SNTG2: variants seen among roughly 807,000 people sequenced by gnomAD.
The protein encoded by SNTG2 is syntrophin gamma 2.
SNTG2 carries 74 observed loss-of-function variants against 70.9 expected under a neutral mutation model. The observed-to-expected ratio is 1.04, with a 90% confidence interval of 0.86 to 1.27. The LOEUF is 1.27. Among genes scored for constraint, SNTG2 ranks in the 50% most tolerant of loss-of-function variants. The pLI is 0.00. For synonymous variants in SNTG2, 278 were observed against 273.8 expected, an observed-to-expected ratio of 1.02 and a Z score of -0.15; for missense variants, 717 against 690.7, an observed-to-expected ratio of 1.04 and a Z score of -0.43.
intron 1 of SNTG2, among the ~76,000 whole-genome samples, chr2:1,040,853 G>T (rs1661396705): frequency 6.6e-6 from 1 of 152,118 alleles, no homozygotes; most frequent in South Asian, 2.1e-4. Flanking sequence ...TCAAAAATAT[G>T]CCTGTGTGAT....
intron 15 of SNTG2, among the ~76,000 whole-genome samples, chr2:1,313,990 A>G (rs1206405327): frequency 6.6e-6 from 1 of 152,224 alleles, no homozygotes. Context: ...ATATACCTAA[A>G]TCACTTCACT....
In SNTG2 at chr2:1,350,408, G is replaced by A. The variant is rs150221076; in HGVS notation, c.1489-16935G>A. ...TGCAACACAGCTTGCCCCGATACAC[G>A]TGCAAATGTGTTCTCTGCCTCTTAG... On this transcript the variant is annotated intron_variant, in intron 16 of 16. Coordinates refer to ENST00000308624, the MANE Select transcript of SNTG2 (RefSeq NM_018968.4). 1.6e-4 allele frequency among the ~76,000 whole-genome samples: 24 copies of A among 152,322 alleles called. 2 individuals are homozygous for A. Among genetic ancestry groups the A allele is most frequent in the Admixed American group, 3.9e-4 (6 of 15,304 alleles).
At chr2:1,218,892 T>C (rs1463557581) in intron 9 of SNTG2, among the ~76,000 whole-genome samples, 2 of 152,160 alleles carry the variant, frequency 1.3e-5, no homozygotes, top group African/African-American at 2.4e-5. Flanking sequence ...TCTAAGATAG[T>C]TTATGAAGGT....
At chr2:1,320,506 G>T (rs1425688412) in intron 16 of SNTG2, among the ~76,000 whole-genome samples, 4 of 133,770 alleles carry the variant, frequency 3.0e-5, no homozygotes, top group African/African-American at 1.2e-4. Flanking sequence ...CTGTACTCCA[G>T]CCTGAGTGAC....
intron 16 of SNTG2, chr2:1,340,900 G>A (rs1167262955): frequency 6.6e-6 from 1 of 152,078 alleles, no homozygotes; most frequent in East Asian, 1.9e-4. Context: ...CAAGACACCT[G>A]GCTCAAAGAA....
chr2:1,164,512 G>A (rs1469364439), intron 6 of SNTG2, among the ~76,000 whole-genome samples: 21 of 114,342 alleles, frequency 1.8e-4, no homozygotes, highest in African/African-American at 6.6e-4. Context: ...ATGAAGTGAG[G>A]TAGGAACCTG....
At chr2:1,262,778 G>GCAGACGAGGCAACCCGAAGGCTCCTTC (rs767622889) in intron 13 of SNTG2, 2 of 142,426 alleles carry the variant, frequency 1.4e-5, no homozygotes, top group African/African-American at 2.7e-5. Flanking sequence ...AAGGCTCCGT[G>GCAGACGAGGCAACCCGAAGGCTCCTTC]CAGACGAGGT....
At chr2:1,052,098 ATTATAACC>A (rs1662110818) in intron 1 of SNTG2, among the ~76,000 whole-genome samples, 1 of 151,976 alleles carries the variant, frequency 6.6e-6, no homozygotes, top group African/African-American at 2.4e-5. Context: ...ATTTTACTTT[ATTATAACC>A]TTCTTGTTAG....
chr2:1,070,690 G>T (rs1251143051), intron 1 of SNTG2, among the ~76,000 whole-genome samples: 1 of 152,110 alleles, frequency 6.6e-6, no homozygotes, highest in Non-Finnish European at 1.5e-5. Flanking sequence ...CACAATAGCC[G>T]CACGTTGAGA....
At chr2:1,235,702 T>C (rs60350535) in intron 9 of SNTG2, among the ~76,000 whole-genome samples, 47,935 of 151,838 alleles carry the variant, frequency 0.32, 8,999 homozygotes, top group African/African-American at 0.53. Context: ...CTAGTCTAGC[T>C]GGATCCAGGA....
At chr2:1,157,011 A>G (rs945655815) in intron 6 of SNTG2, among the ~76,000 whole-genome samples, 1 of 152,144 alleles carries the variant, frequency 6.6e-6, no homozygotes, top group Non-Finnish European at 1.5e-5. Flanking sequence ...GAATGCAGAC[A>G]GGAAAAGTCA....
chr2:1,027,260 G>A (rs11691668), intron 1 of SNTG2, among the ~76,000 whole-genome samples: 35,403 of 151,758 alleles, frequency 0.23, 4,560 homozygotes, highest in Middle Eastern at 0.32. Flanking sequence ...GTTGAGTAAA[G>A]AGATAAGCAG....
intron 1 of SNTG2, among the ~76,000 whole-genome samples, chr2:1,007,065 A>G (rs570338674): frequency 2.3e-4 from 35 of 151,998 alleles, no homozygotes; most frequent in Admixed American, 5.9e-4. Flanking sequence ...ATAAATGTGT[A>G]TATATATATG....
chr2:1,173,204 T>A, intron 8 of SNTG2, 21 bp downstream of exon 8: 1 of 1,604,354 alleles, frequency 6.2e-7, no homozygotes, highest in Non-Finnish European at 8.5e-7. Context: ...AGATTTTTGT[T>A]AAATTTTATT....
intron 4 of SNTG2, among the ~76,000 whole-genome samples, chr2:1,106,613 C>T (rs1258107966): frequency 5.0e-5 from 7 of 141,046 alleles, no homozygotes; most frequent in African/African-American, 1.9e-4. Context: ...CACTTGGGTG[C>T]AGGGTATGGA....
chr2:1,273,644 T>C, intron 14 of SNTG2, among the ~76,000 whole-genome samples: 1 of 149,746 alleles, frequency 6.7e-6, no homozygotes, highest in Middle Eastern at 3.5e-3. Flanking sequence ...ATTATATATA[T>C]ATATATAAGT....
At chr2:1,326,273 G>A (rs763830924) in intron 16 of SNTG2, among the ~76,000 whole-genome samples, 24 of 152,170 alleles carry the variant, frequency 1.6e-4, no homozygotes, top group Non-Finnish European at 2.8e-4. Flanking sequence ...CCAAGGAAAC[G>A]TAATATGCCT....
At chr2:1,248,756 G>A (rs1272331916) in intron 12 of SNTG2, among the ~76,000 whole-genome samples, 2 of 152,138 alleles carry the variant, frequency 1.3e-5, no homozygotes, top group Non-Finnish European at 2.9e-5. Flanking sequence ...CCTGGACCAC[G>A]TACCACTGAC....
At chr2:1,131,021 A>G (rs183650538) in intron 4 of SNTG2, among the ~76,000 whole-genome samples, 104 of 152,344 alleles carry the variant, frequency 6.8e-4, no homozygotes, top group Non-Finnish European at 1.3e-3. Context: ...AATTCAAGCA[A>G]TGATTATAGG....
Sources: allele counts gnomAD v4.1 joint callset (sites outside exome capture counted in the v4.1 genomes callset), GRCh38; gene constraint gnomAD v4.1.1; transcripts MANE v1.5; gene names NCBI Gene and HGNC (gene_info 2026-07-23, HGNC 2026-07-21).